Variants in MTNR1A observed in about 807,000 individuals in gnomAD.
MTNR1A encodes melatonin receptor type 1A.
In MTNR1A, 7 loss-of-function variants were observed where a neutral mutation model predicts 5.5. The ratio of observed to expected loss-of-function variants is 1.28; its 90% CI spans 0.73 to 2.40. The LOEUF (loss-of-function observed/expected upper bound fraction) is 2.40. MTNR1A is among the 30% of genes most tolerant of loss of function. The pLI is 0.00. For synonymous variants in MTNR1A, 196 were observed against 202.7 expected, an observed-to-expected ratio of 0.97 and a Z score of 0.28; for missense variants, 441 against 464.4, an observed-to-expected ratio of 0.95 and a Z score of 0.46.
At chr4:186,539,712 G>T (rs917639715) in intron 1 of MTNR1A, among the ~76,000 whole-genome samples, 2 of 152,194 alleles carry the variant, frequency 1.3e-5, no homozygotes, top group Non-Finnish European at 2.9e-5. Context: ...CTCCAAATCT[G>T]CCAGTGCCTA....
intron 1 of MTNR1A, among the ~76,000 whole-genome samples, chr4:186,550,440 A>T (rs1247412736): frequency 6.6e-6 from 1 of 152,236 alleles, no homozygotes; most frequent in Non-Finnish European, 1.5e-5. Flanking sequence ...CCTTGTAAAG[A>T]TCTTACCATT....
chr4:186,544,241 G>C (rs187762598), intron 1 of MTNR1A, among the ~76,000 whole-genome samples: 1 of 152,072 alleles, frequency 6.6e-6, no homozygotes, highest in South Asian at 2.1e-4. Context: ...GGATAGTCTC[G>C]ATCTCTTGAC....
chr4:186,538,192 C>T (rs953018420), intron 1 of MTNR1A, among the ~76,000 whole-genome samples: 34 of 152,204 alleles, frequency 2.2e-4, no homozygotes, highest in Non-Finnish European at 2.1e-4. Context: ...GCTATCACCT[C>T]GGTGAGGACA....
intron 1 of MTNR1A, among the ~76,000 whole-genome samples, chr4:186,544,162 AG>A: frequency 6.6e-6 from 1 of 152,274 alleles, no homozygotes; most frequent in African/African-American, 2.4e-5. Context: ...CTGGGACTAC[AG>A]GTGCACGCCA....
At chr4:186,539,893 G>A (rs1736970604) in intron 1 of MTNR1A, among the ~76,000 whole-genome samples, 2 of 152,184 alleles carry the variant, frequency 1.3e-5, no homozygotes, top group African/African-American at 4.8e-5. Context: ...GATCTCCATA[G>A]ACACCCAAAT....
At position 186,555,061 on chromosome 4, in the gene MTNR1A, A is replaced by G; in HGVS notation, c.184+121T>C. On this transcript the variant is annotated intron_variant, in intron 1 of 1. Transcript: ENST00000307161. This position sits in a 1 kb window ranked among gnomAD's most constrained non-coding sequence, Gnocchi z 4.1. ...CTGGAGAAGAGTCCTCTCTAACAGG[A>G]AAAATAACTCCAAGTCCGCAGTGTT... 1 of 1,168,148 alleles carries G rather than the reference A, an allele frequency of 8.6e-7. No homozygotes were observed. The highest frequency in any genetic ancestry group is 1.2e-6 in the Non-Finnish European group (1 of 805,484). 72.4% of individuals were successfully genotyped at this position (1,168,148 alleles called of 1,614,324 possible).
intron 1 of MTNR1A, among the ~76,000 whole-genome samples, chr4:186,548,112 A>G (rs191767135): frequency 6.6e-6 from 1 of 152,144 alleles, no homozygotes; most frequent in Admixed American, 6.5e-5. Context: ...CAGGCAATCA[A>G]AAAAAAACTA....
intron 1 of MTNR1A, among the ~76,000 whole-genome samples, chr4:186,542,458 T>C (rs1416717839): frequency 6.6e-6 from 1 of 152,186 alleles, no homozygotes; most frequent in Non-Finnish European, 1.5e-5. Context: ...GGCCATGTCC[T>C]GGGAATTCAC....
intron 1 of MTNR1A, among the ~76,000 whole-genome samples, chr4:186,550,031 G>A (rs1410173942): frequency 6.6e-6 from 1 of 152,140 alleles, no homozygotes; most frequent in African/African-American, 2.4e-5. Flanking sequence ...TTCCTTCAAT[G>A]GCATTGCCGA....
chr4:186,545,610 A>G (rs546429835), intron 1 of MTNR1A, among the ~76,000 whole-genome samples: 2 of 152,298 alleles, frequency 1.3e-5, no homozygotes, highest in East Asian at 1.9e-4. Flanking sequence ...GGTTTTTCCC[A>G]GCAGGTCAAT....
At chr4:186,542,598 A>G (rs761841919) in intron 1 of MTNR1A, among the ~76,000 whole-genome samples, 6 of 152,152 alleles carry the variant, frequency 3.9e-5, no homozygotes, top group Non-Finnish European at 5.9e-5. Flanking sequence ...CACCTGCTCT[A>G]AATCAGTGAT....
chr4:186,537,699 A>G (rs905914785), intron 1 of MTNR1A, among the ~76,000 whole-genome samples: 2 of 152,356 alleles, frequency 1.3e-5, no homozygotes, highest in Admixed American at 6.5e-5. Context: ...GGATTATACC[A>G]ATGCTATGAA....
chr4:186,538,855 A>G (rs972563102), intron 1 of MTNR1A, among the ~76,000 whole-genome samples: 2 of 152,188 alleles, frequency 1.3e-5, no homozygotes, highest in Admixed American at 1.3e-4. Flanking sequence ...GCTTTAAAGT[A>G]TTAGAAATCC....
chr4:186,534,494 A>G lies in MTNR1A; in HGVS notation c.248T>C (p.Leu83Ser), dbSNP rs138916662. 7 of 1,613,986 alleles carry G rather than the reference A, an allele frequency of 4.3e-6. No homozygotes were observed. The African/African-American group carries it at 8.0e-5, about 18-fold the overall frequency. Residue 83 changes from leucine to serine, a missense_variant, in exon 2 of 2, where the codon TTG (leucine) becomes TCG (serine). By Grantham distance (145) the Leu-to-Ser change is moderately radical (BLOSUM62 -2). Coordinates refer to ENST00000307161, the MANE Select transcript of MTNR1A (RefSeq NM_005958.4). Reference sequence around the variant, plus strand: ...GTTGTTAAATATCGACATCAGCACCAACGGGTACGGATAAATGGCCACCAC... The same window carrying G: ...GTTGTTAAATATCGACATCAGCACCGACGGGTACGGATAAATGGCCACCAC... ...DLVVAIYPYP[L>S]VLMSIFNNGW...
rs750427308 is a variant in MTNR1A at position 186,533,997 on chromosome 4, T to A, written c.745A>T (p.Ile249Phe). 48 of 1,613,902 alleles carry A rather than the reference T, an allele frequency of 3.0e-5. 2 individuals are homozygous for A. In the South Asian group the frequency reaches 4.9e-4, roughly 17 times the overall value. Residue 249 changes from isoleucine (I) to phenylalanine (F), a missense_variant, in exon 2 of 2, where the codon ATT (isoleucine) becomes TTT (phenylalanine). Physicochemically the swap from Ile to Phe is conservative, Grantham distance 21 (BLOSUM62 0). Transcript: ENST00000307161. ...ATGAAGTTCAGAGGAGCCCAGCAAA[T>A]GGCAAAAAGGACAAAAACCACAAAC... ...TMFVVFVLFA[I>F]CWAPLNFIGL...
At chr4:186,550,299 A>G (rs955824728) in intron 1 of MTNR1A, among the ~76,000 whole-genome samples, 2 of 152,178 alleles carry the variant, frequency 1.3e-5, no homozygotes, top group African/African-American at 4.8e-5. Flanking sequence ...TTCTTTAACA[A>G]CAATCCACTA....
rs1193454767 is a variant in MTNR1A at position 186,536,410 on chromosome 4, C to T, written c.185-1853G>A. On this transcript the variant is annotated intron_variant, in intron 1 of 1. Coordinates refer to ENST00000307161, the MANE Select transcript of MTNR1A (RefSeq NM_005958.4). ...TAGAGTAAGCAGCAGCACCAGAGCA[C>T]GCACAGACCAGAAGCTGTGAGGAAA... 4.6e-5 allele frequency among the ~76,000 whole-genome samples: 7 copies of T among 151,652 alleles called. 1 individual carries two copies. Among genetic ancestry groups the T allele is most frequent in the South Asian group, 4.2e-4 (2 of 4,782 alleles).
Position 186,533,757 on chromosome 4 carries a change from C to T in MTNR1A, c.985G>A (p.Asp329Asn), listed in dbSNP as rs376144706. 10 of 1,614,088 alleles carry T rather than the reference C, an allele frequency of 6.2e-6. No individual in the cohort carries two copies. In the African/African-American group the frequency reaches 9.3e-5, roughly 15 times the overall value. Reference sequence around the variant, plus strand: ...GGAGACGGTTTCCATTTAACCCTATCGGCCACGTCGTTAGAGCTGTCCACA... The same window carrying T: ...GGAGACGGTTTCCATTTAACCCTATTGGCCACGTCGTTAGAGCTGTCCACA... ...FFVDSSNDVA[D>N]RVKWKPSPLM... Residue 329 changes from aspartate (D) to asparagine (N), a missense_variant, in exon 2 of 2, where the codon GAT (aspartate) becomes AAT (asparagine). Asp to Asn is a conservative substitution (Grantham distance 23). Coordinates refer to ENST00000307161, the MANE Select transcript of MTNR1A (RefSeq NM_005958.4).
At position 186,555,404 on chromosome 4, in the gene MTNR1A, C is replaced by T; in HGVS notation, c.-39G>A. On this transcript the variant is annotated 5_prime_UTR_variant, in exon 1 of 2. Coordinates refer to ENST00000307161, the MANE Select transcript of MTNR1A (RefSeq NM_005958.4). The surrounding 1 kb of genome is among the most constrained non-coding windows in gnomAD (Gnocchi z 4.1). ...GTCCCGGCCGCGGGGCCATCGCCCG[C>T]CTCGTCCGCCCGCCCGACCACTTGT... The T allele has an allele frequency of 7.4e-7, 1 of 1,350,636 alleles. No individual in the cohort carries two copies. The highest frequency in any genetic ancestry group is 9.5e-7 in the Non-Finnish European group (1 of 1,049,998). The allele number at this position is 1,350,636 out of a possible 1,614,324, so 83.7% of individuals were successfully genotyped here. A position where few individuals can be genotyped will look rare whatever the true frequency, so the allele number is the denominator to read the frequency against.
Sources: gnomAD v4.1 joint callset for allele counts (sites outside exome capture counted in the v4.1 genomes callset) on GRCh38, gnomAD v4.1.1 for gene constraint, Gnocchi (gnomAD v3.1) non-coding constraint, MANE v1.5 for transcripts, NCBI Gene and HGNC (gene_info 2026-07-23, HGNC 2026-07-21) for gene names.